MACROD2: variants seen among roughly 807,000 people sequenced by gnomAD.
MACROD2 encodes the protein mono-ADP ribosylhydrolase 2, also known as ADP-ribose glycohydrolase MACROD2.
MACROD2 carries 36 observed loss-of-function variants against 70.4 expected under a neutral mutation model. The observed-to-expected ratio is 0.51, with a 90% CI of 0.39 to 0.68. The LOEUF is 0.68. MACROD2 is among the 30% of genes least tolerant of loss of function. The pLI is 0.00. For missense variants in MACROD2, 496 were observed against 538.4 expected, an observed-to-expected ratio of 0.92 and a Z score of 0.78; for synonymous variants, 172 against 178.8, an observed-to-expected ratio of 0.96 and a Z score of 0.30.
At chr20:15,023,753 A>G (rs1304998440) in intron 5 of MACROD2, among the ~76,000 whole-genome samples, 1 of 152,130 alleles carries the variant, frequency 6.6e-6, no homozygotes, top group Non-Finnish European at 1.5e-5. Flanking sequence ...ATTACTTCCC[A>G]TAGATTCGCT....
chr20:14,254,722 A>G (rs1350186982), intron 3 of MACROD2, among the ~76,000 whole-genome samples: 1 of 152,198 alleles, frequency 6.6e-6, no homozygotes, highest in Non-Finnish European at 1.5e-5. Context: ...CCTCTTTTCT[A>G]AAAATGGAAT....
Position 15,862,738 on chromosome 20 carries a change from C to G in MACROD2, c.646-7C>G. On this transcript the variant is annotated splice_region_variant and splice_polypyrimidine_tract_variant and intron_variant, in intron 8 of 17. Coordinates refer to ENST00000684519, the MANE Select transcript of MACROD2 (RefSeq NM_001351661.2). ...TTCACTTTGAGTGTTTTATCTTTTG[C>G]CTCTAGGTGGATCGGATCATTTTCT... The G allele has an allele frequency of 6.2e-7, 1 of 1,607,904 alleles. No homozygotes were observed. The highest frequency in any genetic ancestry group is 2.2e-5 in the East Asian group (1 of 44,724).
chr20:14,311,579 G>A (rs1313207224), intron 3 of MACROD2, among the ~76,000 whole-genome samples: 6 of 152,032 alleles, frequency 3.9e-5, no homozygotes, highest in Admixed American at 2.0e-4. Flanking sequence ...GTGCAGTGGC[G>A]TGATCTTGGC....
chr20:15,226,196 C>G (rs892903594), intron 5 of MACROD2, among the ~76,000 whole-genome samples: 2 of 152,114 alleles, frequency 1.3e-5, no homozygotes, highest in South Asian at 4.1e-4. Context: ...GAGTGACTTG[C>G]AGAAGGTCAC....
At chr20:14,719,179 C>T (rs909759458) in intron 5 of MACROD2, among the ~76,000 whole-genome samples, 13 of 151,634 alleles carry the variant, frequency 8.6e-5, no homozygotes, top group South Asian at 2.1e-4. Flanking sequence ...TTGCAGTGAG[C>T]GAGATCGCGC....
rs185248794 is a variant in MACROD2 at position 14,228,368 on chromosome 20, C to G, written c.271+142640C>G. Among the ~76,000 whole-genome samples, 1,309 of 146,096 alleles carry G rather than the reference C, an allele frequency of 9.0e-3. 5 individuals carry two copies. Among genetic ancestry groups the G allele is most frequent in the South Asian group, 0.015 (68 of 4,618 alleles). On this transcript the variant is annotated intron_variant, in intron 3 of 17. Transcript: ENST00000684519. ...TTTTTTTTTTTTTGAGATGGAGTCT[C>G]TCTCTGTCACCCAGGCTGGAGTGCA... is the stretch of plus-strand genomic sequence containing the variant.
At chr20:15,803,032 T>A (rs537740412) in intron 8 of MACROD2, among the ~76,000 whole-genome samples, 3 of 151,990 alleles carry the variant, frequency 2.0e-5, no homozygotes, top group Non-Finnish European at 4.4e-5. Flanking sequence ...GGTTTCCCAA[T>A]AAAGAAAAGC....
chr20:15,501,048 A>G (rs1217944228), intron 8 of MACROD2, among the ~76,000 whole-genome samples: 1 of 152,210 alleles, frequency 6.6e-6, no homozygotes, highest in Non-Finnish European at 1.5e-5. Context: ...TTTGCCTTCA[A>G]AAGGTTAAAT....
chr20:14,380,244 GTCT>G (rs751471577), intron 3 of MACROD2, among the ~76,000 whole-genome samples: 1 of 152,052 alleles, frequency 6.6e-6, no homozygotes, highest in Non-Finnish European at 1.5e-5. Context: ...CTATTTGTAT[GTCT>G]TCTTTGGAGA....
chr20:14,388,309 G>A (rs986676007), intron 3 of MACROD2, among the ~76,000 whole-genome samples: 3 of 152,092 alleles, frequency 2.0e-5, no homozygotes, highest in Non-Finnish European at 4.4e-5. Flanking sequence ...ACTGTGCCCA[G>A]CCTTATGTAA....
intron 2 of MACROD2, among the ~76,000 whole-genome samples, chr20:14,020,291 G>A (rs1208984931): frequency 1.1e-4 from 17 of 152,130 alleles, no homozygotes; most frequent in Admixed American, 7.2e-4. Flanking sequence ...TGACCAATAC[G>A]GAGAAACCCC....
intron 4 of MACROD2, among the ~76,000 whole-genome samples, chr20:14,498,085 T>A (rs1600304717): frequency 6.6e-6 from 1 of 151,872 alleles, no homozygotes; most frequent in African/African-American, 2.4e-5. Context: ...CAGTTCTACT[T>A]GCAGAGAGGA....
At chr20:14,821,794 G>A (rs1600698408) in intron 5 of MACROD2, among the ~76,000 whole-genome samples, 1 of 152,008 alleles carries the variant, frequency 6.6e-6, no homozygotes, top group South Asian at 2.1e-4. Context: ...TAGGTGAATA[G>A]ATTTGTCCAA....
intron 5 of MACROD2, among the ~76,000 whole-genome samples, chr20:15,053,843 A>G (rs769976520): frequency 3.9e-5 from 6 of 152,242 alleles, no homozygotes; most frequent in Non-Finnish European, 5.9e-5. Context: ...TCACCATTCT[A>G]GATGTTATTA....
chr20:15,458,646 A>G (rs1306273423), intron 7 of MACROD2, among the ~76,000 whole-genome samples: 1 of 151,080 alleles, frequency 6.6e-6, no homozygotes, highest in Admixed American at 6.6e-5. Context: ...TTTTAAAAAA[A>G]AAAAAGATTG....
chr20:15,130,010 C>T (rs527357358), intron 5 of MACROD2, among the ~76,000 whole-genome samples: 1 of 152,174 alleles, frequency 6.6e-6, no homozygotes, highest in Non-Finnish European at 1.5e-5. Context: ...TGGTCACCCA[C>T]CTCCAGTTTC....
intron 8 of MACROD2, among the ~76,000 whole-genome samples, chr20:15,677,382 A>G (rs1354073840): frequency 6.6e-6 from 1 of 151,886 alleles, no homozygotes; most frequent in Admixed American, 6.6e-5. Context: ...GGTGGGGGGA[A>G]GTGGGGTGGA....
intron 4 of MACROD2, among the ~76,000 whole-genome samples, chr20:14,571,595 G>A (rs546352728): frequency 3.3e-5 from 5 of 152,072 alleles, no homozygotes; most frequent in African/African-American, 9.6e-5. Flanking sequence ...TGGAGCATGC[G>A]TAGCAAAGAA....
intron 9 of MACROD2, among the ~76,000 whole-genome samples, chr20:15,880,439 TG>T (rs1414732819): frequency 2.6e-5 from 4 of 151,584 alleles, no homozygotes; most frequent in Non-Finnish European, 5.9e-5. Flanking sequence ...AGAAGTATGT[TG>T]GGGCGGCGGG....
Sources: gnomAD v4.1 joint callset for allele counts (sites outside exome capture counted in the v4.1 genomes callset) on GRCh38, gnomAD v4.1.1 for gene constraint, MANE v1.5 for transcripts, NCBI Gene and HGNC (gene_info 2026-07-23, HGNC 2026-07-21) for gene names.